FAF2: variants seen among roughly 807,000 people sequenced by gnomAD.
FAF2 encodes FAS-associated factor 2.
Under a neutral mutation model 62.3 loss-of-function variants are expected in FAF2, and 9 were observed. The ratio of observed to expected loss-of-function variants is 0.14; its 90% CI spans 0.09 to 0.25. The LOEUF is 0.25. Ranked by LOEUF, FAF2 falls within the 10% of genes least tolerant of loss-of-function variation. FAF2 has a pLI of 1.00. For missense variants in FAF2, 368 were observed against 556.2 expected (o/e 0.66, Z 3.40); for synonymous variants, 202 against 198.0 (o/e 1.02, Z -0.17).
At chr5:176,450,783 G>C (rs1171194208) in intron 1 of FAF2, among the ~76,000 whole-genome samples, 1 of 152,118 alleles carries the variant, frequency 6.6e-6, no homozygotes, top group Non-Finnish European at 1.5e-5. Context: ...TCGATTTCTT[G>C]ACCTCGTGAT....
intron 1 of FAF2, among the ~76,000 whole-genome samples, chr5:176,477,031 A>AAG (rs1758708870): frequency 6.7e-6 from 1 of 149,202 alleles, no homozygotes; most frequent in African/African-American, 2.5e-5. Flanking sequence ...GATGGTCTCG[A>AAG]TCTCCTGACT....
chr5:176,472,385 T>G (rs553978635), intron 1 of FAF2, among the ~76,000 whole-genome samples: 1 of 152,044 alleles, frequency 6.6e-6, no homozygotes, highest in South Asian at 2.1e-4. Context: ...GACCTCATGA[T>G]CTGCCCACCT....
At chr5:176,468,784 A>G (rs1166814563) in intron 1 of FAF2, among the ~76,000 whole-genome samples, 1 of 149,668 alleles carries the variant, frequency 6.7e-6, no homozygotes, top group Non-Finnish European at 1.5e-5. Flanking sequence ...CCCCAAAAAA[A>G]CAAAAAAAAA....
intron 1 of FAF2, among the ~76,000 whole-genome samples, chr5:176,470,934 A>G (rs1381393156): frequency 6.6e-6 from 1 of 152,166 alleles, no homozygotes; most frequent in Non-Finnish European, 1.5e-5. Context: ...GGGATTATAT[A>G]TCTCTTGTTC....
intron 10 of FAF2, among the ~76,000 whole-genome samples, 165 bp downstream of exon 10, chr5:176,500,311 G>C (rs2113746685): frequency 6.6e-6 from 1 of 152,300 alleles, no homozygotes; most frequent in Non-Finnish European, 1.5e-5. Flanking sequence ...ACCAGGAAGA[G>C]TACCGAGGAC....
chr5:176,467,991 C>T (rs906450466), intron 1 of FAF2, among the ~76,000 whole-genome samples: 1 of 151,996 alleles, frequency 6.6e-6, no homozygotes, highest in Non-Finnish European at 1.5e-5. Context: ...ATGGTGAAAC[C>T]CTGTCTCTAT....
In FAF2 at chr5:176,484,144, G is replaced by A. The variant is rs190278368; in HGVS notation, c.133-2211G>A. On this transcript the variant is annotated intron_variant, in intron 2 of 10. Coordinates refer to ENST00000261942, the MANE Select transcript of FAF2 (RefSeq NM_014613.3). ...TTTGGACATGAAGCTTGCATACTACGCTCCTGCAGAGTCGGGACACATTAC... is the reference window on the plus strand; with the variant it reads ...TTTGGACATGAAGCTTGCATACTACACTCCTGCAGAGTCGGGACACATTAC... Among the ~76,000 whole-genome samples, 266 of 152,188 alleles carry A rather than the reference G, an allele frequency of 1.7e-3. 5 individuals are homozygous for A. Among genetic ancestry groups the A allele is most frequent in the Admixed American group, 0.015 (235 of 15,278 alleles).
At chr5:176,475,647 A>C (rs1325481648) in intron 1 of FAF2, among the ~76,000 whole-genome samples, 1 of 152,146 alleles carries the variant, frequency 6.6e-6, no homozygotes, top group Non-Finnish European at 1.5e-5. Flanking sequence ...AGCCACCTGT[A>C]ATCCCAGCTA....
At chr5:176,496,447 G>C (rs763291003) in intron 7 of FAF2, 39 bp from the exon 8 acceptor site, 2 of 1,474,904 alleles carry the variant, frequency 1.4e-6, no homozygotes, top group Admixed American at 4.5e-5. Context: ...CTTTTTCACC[G>C]TCAAGTCCTG....
intron 10 of FAF2, among the ~76,000 whole-genome samples, chr5:176,505,144 G>A (rs995755304): frequency 6.6e-6 from 1 of 152,120 alleles, no homozygotes; most frequent in African/African-American, 2.4e-5. Flanking sequence ...AAAAGAAAAT[G>A]GAATAGATTC....
At chr5:176,502,133 G>C (rs1479747620) in intron 10 of FAF2, among the ~76,000 whole-genome samples, 1 of 152,154 alleles carries the variant, frequency 6.6e-6, no homozygotes, top group Non-Finnish European at 1.5e-5. Flanking sequence ...GTAGTAGGTG[G>C]TTATTAGCGT....
intron 2 of FAF2, among the ~76,000 whole-genome samples, chr5:176,481,979 T>C (rs557404544): frequency 6.6e-6 from 1 of 152,184 alleles, no homozygotes; most frequent in South Asian, 2.1e-4. Flanking sequence ...CCCAACAGCG[T>C]TGTAGGAAGG....
At chr5:176,463,681 C>T (rs928438284) in intron 1 of FAF2, among the ~76,000 whole-genome samples, 6 of 150,418 alleles carry the variant, frequency 4.0e-5, no homozygotes, top group Non-Finnish European at 8.8e-5. Flanking sequence ...CCTGAGGTTA[C>T]GAAGCTAGTG....
At position 176,508,455 on chromosome 5, in the gene FAF2, T is replaced by TA. The variant is rs1755723327; in HGVS notation, c.*1505_*1506insA. The TA allele has an allele frequency of 6.6e-6, 1 of 152,178 alleles. No individual in the cohort carries two copies. Among genetic ancestry groups the TA allele is most frequent in the Non-Finnish European group, 1.5e-5 (1 of 68,046 alleles). 9.4% of individuals were successfully genotyped at this position (152,178 alleles called of 1,614,324 possible). A position where few individuals can be genotyped will look rare whatever the true frequency, so the allele number is the denominator to read the frequency against. ...GTTGTAGTCTCAAGGCTTTCTCTCT[T>TA]GCTTAACTAAAACCTAAGGACCACT... On this transcript the variant is annotated 3_prime_UTR_variant, in exon 11 of 11. Coordinates refer to ENST00000261942, the MANE Select transcript of FAF2 (RefSeq NM_014613.3).
In FAF2 at chr5:176,496,487, C is replaced by A; in HGVS notation, c.663C>A (p.Val221=). Residue 221 remains valine (V), a splice_region_variant and synonymous_variant, in exon 8 of 11, where the codon GTC becomes GTA. Transcript: ENST00000261942. ...CSTNKPEGYR[V]SQALRENTYP... ...TGATCTGTTGGGTCTTTTTATCAGT[C>A]TCACAGGCTTTACGAGAGAACACCT... 1 of 1,586,756 alleles carries A rather than the reference C, an allele frequency of 6.3e-7. No homozygotes were observed. Among genetic ancestry groups the A allele is most frequent in the South Asian group, 1.2e-5 (1 of 86,452 alleles).
chr5:176,487,650 A>C (rs1758898794), intron 3 of FAF2, among the ~76,000 whole-genome samples: 1 of 152,204 alleles, frequency 6.6e-6, no homozygotes, highest in Non-Finnish European at 1.5e-5. Flanking sequence ...TAAACTATAG[A>C]GCCCTGGATG....
At chr5:176,481,916 A>C (rs547293229) in intron 2 of FAF2, among the ~76,000 whole-genome samples, 1 of 152,228 alleles carries the variant, frequency 6.6e-6, no homozygotes, top group African/African-American at 2.4e-5. Context: ...ACTATGTTTA[A>C]CCTTTTGAAG....
intron 10 of FAF2, among the ~76,000 whole-genome samples, chr5:176,503,326 G>T: frequency 6.6e-6 from 1 of 151,776 alleles, no homozygotes. Context: ...AGGCTGAGGT[G>T]GGCGGATCAC....
intron 1 of FAF2, among the ~76,000 whole-genome samples, chr5:176,470,375 C>T (rs945151371): frequency 9.9e-5 from 15 of 152,220 alleles, no homozygotes; most frequent in African/African-American, 3.1e-4. Context: ...GTCGGGAGTT[C>T]GAGACCAGCC....
Sources: allele counts gnomAD v4.1 joint callset (sites outside exome capture counted in the v4.1 genomes callset), GRCh38; gene constraint gnomAD v4.1.1; transcripts MANE v1.5; gene names NCBI Gene and HGNC (gene_info 2026-07-23, HGNC 2026-07-21).